Variants in AGMO observed in about 807,000 individuals in gnomAD.
The protein encoded by AGMO is alkylglycerol monooxygenase.
AGMO carries 75 observed loss-of-function variants against 60.2 expected under a neutral mutation model. The ratio of observed to expected loss-of-function variants is 1.25; its 90% CI spans 1.03 to 1.51. The LOEUF is 1.51. AGMO is among the 40% of genes most tolerant of loss of function. The pLI, the probability that AGMO is intolerant of heterozygous loss-of-function variation, is 0.00. For missense variants in AGMO, 763 were observed against 525.5 expected, an observed-to-expected ratio of 1.45 and a Z score of -4.42; for synonymous variants, 261 against 177.1, an observed-to-expected ratio of 1.47 and a Z score of -3.76.
intron 3 of AGMO, among the ~76,000 whole-genome samples, chr7:15,437,828 C>T (rs1583552532): frequency 6.6e-6 from 1 of 152,344 alleles, no homozygotes; most frequent in East Asian, 1.9e-4. Flanking sequence ...GCGTGAGCCA[C>T]TGCGCCCGGA....
the AGMO span, among the ~76,000 whole-genome samples, chr7:15,174,368 T>G: frequency 6.6e-6 from 1 of 152,080 alleles, no homozygotes; most frequent in Admixed American, 6.6e-5. Context: ...GCATGTACTA[T>G]TTGCATTGTA....
the AGMO span, among the ~76,000 whole-genome samples, chr7:15,173,673 A>G: frequency 2.6e-5 from 4 of 152,118 alleles, no homozygotes; most frequent in African/African-American, 9.6e-5. Context: ...ACCATATACT[A>G]TTAATATGGT....
intron 12 of AGMO, chr7:15,358,352 CAA>C (rs758427692): frequency 1.8e-5 from 8 of 454,722 alleles, no homozygotes; most frequent in African/African-American, 1.0e-4. Flanking sequence ...AATGCTTTTT[CAA>C]AAGAGCTGCC....
intron 12 of AGMO, among the ~76,000 whole-genome samples, chr7:15,236,960 AT>A (rs1423251838): frequency 6.9e-5 from 10 of 145,446 alleles, no homozygotes; most frequent in Non-Finnish European, 9.2e-5. Context: ...GGTAAAAAAA[AT>A]AAAAATAAAA....
intron 12 of AGMO, among the ~76,000 whole-genome samples, chr7:15,243,144 C>T (rs1320593452): frequency 6.6e-6 from 1 of 151,968 alleles, no homozygotes; most frequent in South Asian, 2.1e-4. Context: ...TATTAATATA[C>T]ATAGGTCAGT....
At chr7:15,452,569 A>G (rs1781884188) in intron 3 of AGMO, among the ~76,000 whole-genome samples, 1 of 152,324 alleles carries the variant, frequency 6.6e-6, no homozygotes, top group African/African-American at 2.4e-5. Context: ...CTATAATAAA[A>G]AAGATGGACA....
chr7:15,257,171 A>AG (rs1358745307), intron 12 of AGMO, among the ~76,000 whole-genome samples: 1 of 152,172 alleles, frequency 6.6e-6, no homozygotes, highest in Non-Finnish European at 1.5e-5. Flanking sequence ...CGAACTCTAA[A>AG]GGGGTGAAAA....
chr7:15,269,122 C>T (rs919028647), intron 12 of AGMO, among the ~76,000 whole-genome samples: 3 of 151,968 alleles, frequency 2.0e-5, no homozygotes, highest in Non-Finnish European at 4.4e-5. Flanking sequence ...TGAAAGTAGG[C>T]ATAGATAATG....
rs151279214 is a variant in AGMO, at chr7:15,225,533, A to T, written c.1264-24174T>A. Among the ~76,000 whole-genome samples, 520 of 152,112 alleles carry T rather than the reference A, an allele frequency of 3.4e-3. 1 individual carries two copies. Among genetic ancestry groups the T allele is most frequent in the African/African-American group, 0.012 (478 of 41,540 alleles). On this transcript the variant is annotated intron_variant, in intron 12 of 12. Transcript: ENST00000342526. ...CCTACCAGAAGTATAAATGTATAAAAGTGTGTACATCTCATTACACCTACA... is the reference window on the plus strand; with the variant it reads ...CCTACCAGAAGTATAAATGTATAAATGTGTGTACATCTCATTACACCTACA...
At chr7:15,193,276 T>A in the AGMO span, among the ~76,000 whole-genome samples, 1 of 152,202 alleles carries the variant, frequency 6.6e-6, no homozygotes, top group African/African-American at 2.4e-5. Flanking sequence ...AGTGATATAA[T>A]TAACTCCAAC....
At chr7:15,345,014 G>C (rs1781982792) in intron 12 of AGMO, among the ~76,000 whole-genome samples, 1 of 152,100 alleles carries the variant, frequency 6.6e-6, no homozygotes, top group Admixed American at 6.5e-5. Flanking sequence ...CCTCGTTCAA[G>C]CCACTGTCAC....
chr7:15,288,476 T>C (rs1255741550), intron 12 of AGMO, among the ~76,000 whole-genome samples: 1 of 152,102 alleles, frequency 6.6e-6, no homozygotes, highest in Non-Finnish European at 1.5e-5. Context: ...GAATCTTTTA[T>C]TTTTTGTTTC....
At chr7:15,386,962 CCA>C (rs1455986676) in intron 9 of AGMO, among the ~76,000 whole-genome samples, 1 of 152,132 alleles carries the variant, frequency 6.6e-6, no homozygotes, top group African/African-American at 2.4e-5. Context: ...GACCCAAAAT[CCA>C]CACTGTCTTA....
intron 10 of AGMO, among the ~76,000 whole-genome samples, chr7:15,366,483 A>G (rs2128561910): frequency 6.6e-6 from 1 of 152,172 alleles, no homozygotes; most frequent in South Asian, 2.1e-4. Flanking sequence ...ATTATCCTTT[A>G]AAGTTTTGAC....
At chr7:15,392,058 T>C (rs925889888) in intron 6 of AGMO, among the ~76,000 whole-genome samples, 4 of 151,976 alleles carry the variant, frequency 2.6e-5, no homozygotes, top group African/African-American at 9.7e-5. Flanking sequence ...ACTTCCTATA[T>C]TTTTTATTTT....
chr7:15,516,600 C>A (rs1410073839), intron 3 of AGMO, among the ~76,000 whole-genome samples: 1 of 152,148 alleles, frequency 6.6e-6, no homozygotes, highest in Admixed American at 6.6e-5. Flanking sequence ...TGTAAAGATG[C>A]AGGTATTGCA....
intron 12 of AGMO, among the ~76,000 whole-genome samples, chr7:15,270,596 ATTTTTTTTTTTTTTTTTTTTTTTT>A (rs527463907): frequency 1.5e-3 from 74 of 48,074 alleles, no homozygotes; most frequent in African/African-American, 5.5e-3. Flanking sequence ...TCTGTTGATA[ATTTTTTTTTTTTTTTTTTTTTTTT>A]TTTTTTTTTT....
At chr7:15,460,783 G>A (rs1476230141) in intron 3 of AGMO, among the ~76,000 whole-genome samples, 1 of 152,054 alleles carries the variant, frequency 6.6e-6, no homozygotes, top group African/African-American at 2.4e-5. Flanking sequence ...AAAATAAAAT[G>A]TATGAAGTAC....
At chr7:15,337,160 A>G (rs1781690423) in intron 12 of AGMO, among the ~76,000 whole-genome samples, 2 of 152,298 alleles carry the variant, frequency 1.3e-5, no homozygotes, top group South Asian at 4.1e-4. Context: ...AGAAGTTTAT[A>G]TTGCAACTAC....
Sources: gnomAD v4.1 joint callset for allele counts (sites outside exome capture counted in the v4.1 genomes callset) on GRCh38, gnomAD v4.1.1 for gene constraint, MANE v1.5 for transcripts, NCBI Gene and HGNC (gene_info 2026-07-23, HGNC 2026-07-21) for gene names.